Variants in ACOT13 observed in about 807,000 individuals in gnomAD.
The protein encoded by ACOT13 is acyl-CoA thioesterase 13.
Under a neutral mutation model 11.8 loss-of-function variants are expected in ACOT13, and 10 were observed. That is an observed-to-expected ratio of 0.85 (90% CI 0.53 to 1.44). The LOEUF (loss-of-function observed/expected upper bound fraction) is 1.44, where lower values mean the gene tolerates loss of function less well. ACOT13 is among the 40% of genes most tolerant of loss of function. ACOT13 has a pLI of 0.00. For missense variants in ACOT13, 172 were observed against 174.1 expected (o/e 0.99, Z 0.07); for synonymous variants, 53 against 61.0 (o/e 0.87, Z 0.61).
intron 1 of ACOT13, among the ~76,000 whole-genome samples, chr6:24,688,293 C>A (rs185816502): frequency 4.0e-5 from 6 of 151,754 alleles, no homozygotes; most frequent in Non-Finnish European, 7.4e-5. Flanking sequence ...AATCCCAACA[C>A]TTTAGGAGGT....
intron 1 of ACOT13, among the ~76,000 whole-genome samples, chr6:24,670,786 A>G (rs1310112674): frequency 6.6e-6 from 1 of 152,214 alleles, no homozygotes; most frequent in African/African-American, 2.4e-5. Context: ...AAACAAAGCA[A>G]AAGATCAGCA....
Position 24,702,857 on chromosome 6 carries a change from A to T in ACOT13, c.*1242A>T, listed in dbSNP as rs1778915943. 6.6e-6 allele frequency: 1 copy of T among 152,102 alleles called. No homozygotes were observed. Among genetic ancestry groups the T allele is most frequent in the Admixed American group, 6.5e-5 (1 of 15,272 alleles). The allele number at this position is 152,102 out of a possible 1,614,324, so 9.4% of individuals were successfully genotyped here. ...GATCTCAAACCTCCAAGTCTATAGT[A>T]TTGAAAAGACCAAGTTCACTTCTCA... On this transcript the variant is annotated 3_prime_UTR_variant, in exon 3 of 3. Transcript: ENST00000230048.
At position 24,686,044 on chromosome 6, in the gene ACOT13, GA is replaced by G. The variant is rs200874922; in HGVS notation, c.82-11828del. Among the ~76,000 whole-genome samples, 150 of 144,102 alleles carry G rather than the reference GA, an allele frequency of 1.0e-3. 3 individuals are homozygous for G. The highest frequency in any genetic ancestry group is 6.2e-3 in the Admixed American group (90 of 14,508). The allele number at this position is 144,102 out of a possible 152,430, so 94.5% of individuals were successfully genotyped here. A position where few individuals can be genotyped will look rare whatever the true frequency, so the allele number is the denominator to read the frequency against. On this transcript the variant is annotated intron_variant, in intron 1 of 2. Coordinates refer to ENST00000230048, the MANE Select transcript of ACOT13 (RefSeq NM_018473.4). Reference sequence around the variant, plus strand: ...AGACTCAATCTCAATTTAAAAAAAGGAAAAAAAAAAAGGTTAACCGTCAGAC... The same window carrying G: ...AGACTCAATCTCAATTTAAAAAAAGGAAAAAAAAAAGGTTAACCGTCAGAC...
chr6:24,687,450 T>C (rs561805109), intron 1 of ACOT13: 765 of 1,247,430 alleles, frequency 6.1e-4, no homozygotes, highest in Non-Finnish European at 6.4e-4. Context: ...TGACACGCAC[T>C]GTGCTAGGAT....
Position 24,701,811 on chromosome 6 carries a change from A to G in ACOT13, c.*196A>G. The G allele has an allele frequency of 4.1e-6, 2 of 492,504 alleles. No individual in the cohort carries two copies. Among genetic ancestry groups the G allele is most frequent in the Non-Finnish European group, 6.9e-6 (2 of 289,386 alleles). The allele number at this position is 492,504 out of a possible 1,614,324, so 30.5% of individuals were successfully genotyped here. A position where few individuals can be genotyped will look rare whatever the true frequency, so the allele number is the denominator to read the frequency against. On this transcript the variant is annotated 3_prime_UTR_variant, in exon 3 of 3. Transcript: ENST00000230048. The stretch of plus-strand genomic sequence containing the variant: ...ACTTTAAGCATCTTGTTTTCTAATC[A>G]TGTGTGATAATTGGGTGAAAAATTC...
intron 1 of ACOT13, among the ~76,000 whole-genome samples, chr6:24,685,069 A>C (rs552481487): frequency 6.6e-6 from 1 of 152,192 alleles, no homozygotes; most frequent in East Asian, 1.9e-4. Flanking sequence ...TTAATTTTTG[A>C]AATCCAGTGT....
At chr6:24,693,306 C>T (rs1161559605) in intron 1 of ACOT13, among the ~76,000 whole-genome samples, 1 of 152,218 alleles carries the variant, frequency 6.6e-6, no homozygotes, top group African/African-American at 2.4e-5. Flanking sequence ...ATATGTCACA[C>T]TCCTGTGCTT....
rs1778937559 is a variant in ACOT13, at chr6:24,703,750, A to G, written c.*2135A>G. 1 of 152,236 alleles carries G rather than the reference A, an allele frequency of 6.6e-6. No homozygotes were observed. Among genetic ancestry groups the G allele is most frequent in the Admixed American group, 6.5e-5 (1 of 15,280 alleles). 9.4% of individuals were successfully genotyped at this position (152,236 alleles called of 1,614,324 possible). On this transcript the variant is annotated 3_prime_UTR_variant, in exon 3 of 3. Coordinates refer to ENST00000230048, the MANE Select transcript of ACOT13 (RefSeq NM_018473.4). ...ACAGGGTATTTGCACATTGCTTCCC[A>G]GAGATTGCTAGTAGTAAGTACCACA...
chr6:24,681,225 CACAA>C (rs1484289243), intron 1 of ACOT13, among the ~76,000 whole-genome samples: 4 of 152,100 alleles, frequency 2.6e-5, no homozygotes, highest in African/African-American at 9.7e-5. Context: ...GAGGTGTGCT[CACAA>C]GAAGGTTTCC....
At chr6:24,677,995 G>T (rs966208695) in intron 1 of ACOT13, among the ~76,000 whole-genome samples, 15 of 152,148 alleles carry the variant, frequency 9.9e-5, no homozygotes, top group African/African-American at 3.6e-4. Flanking sequence ...AGAGTGCTTG[G>T]GTGGCTTGAT....
intron 2 of ACOT13, 72 bp downstream of exon 2, chr6:24,698,139 T>C: frequency 7.7e-7 from 1 of 1,300,664 alleles, no homozygotes; most frequent in South Asian, 1.8e-5. Context: ...TAAACACATT[T>C]ATATTATTAG....
intron 1 of ACOT13, among the ~76,000 whole-genome samples, chr6:24,681,580 C>A (rs1207537306): frequency 2.0e-4 from 2 of 9,778 alleles, no homozygotes; most frequent in Non-Finnish European, 3.1e-4. Context: ...CTCTCTCCGT[C>A]TCTCTCTCTC....
At chr6:24,667,386 G>A (rs1234834362) in intron 1 of ACOT13, 42 bp downstream of exon 1, 3 of 1,584,386 alleles carry the variant, frequency 1.9e-6, no homozygotes, top group East Asian at 2.2e-5. Context: ...TCTAATGAAG[G>A]AAAAGAAAGC....
chr6:24,699,358 T>C (rs143521178), intron 2 of ACOT13, among the ~76,000 whole-genome samples: 5,036 of 152,044 alleles, frequency 0.033, 106 homozygotes, highest in Non-Finnish European at 0.05. Context: ...TACAGGCGCC[T>C]GCCACCATGC....
intron 1 of ACOT13, among the ~76,000 whole-genome samples, chr6:24,693,472 A>G (rs949171131): frequency 6.6e-6 from 1 of 152,180 alleles, no homozygotes; most frequent in Non-Finnish European, 1.5e-5. Context: ...GCAGAATGCA[A>G]CCCTTTTAAA....
At chr6:24,683,026 T>C (rs545369426) in intron 1 of ACOT13, among the ~76,000 whole-genome samples, 1 of 152,304 alleles carries the variant, frequency 6.6e-6, no homozygotes, top group South Asian at 2.1e-4. Flanking sequence ...TGTTTAAAGG[T>C]GGATGCGGTC....
chr6:24,693,625 AAGTG>A (rs1778749723), intron 1 of ACOT13, among the ~76,000 whole-genome samples: 1 of 152,116 alleles, frequency 6.6e-6, no homozygotes, highest in Non-Finnish European at 1.5e-5. Context: ...TTTGCTGAAA[AAGTG>A]AGGAAAGGAG....
chr6:24,693,258 G>T (rs570940039), intron 1 of ACOT13, among the ~76,000 whole-genome samples: 1 of 152,316 alleles, frequency 6.6e-6, no homozygotes, highest in South Asian at 2.1e-4. Context: ...TCTTTTGGGG[G>T]TGGCTCACGT....
intron 1 of ACOT13, among the ~76,000 whole-genome samples, chr6:24,678,420 G>A (rs1418441807): frequency 6.6e-6 from 1 of 152,102 alleles, no homozygotes; most frequent in African/African-American, 2.4e-5. Flanking sequence ...GTATTGCAGG[G>A]GCTATTGCAT....
Sources: gnomAD v4.1 joint callset for allele counts (sites outside exome capture counted in the v4.1 genomes callset) on GRCh38, gnomAD v4.1.1 for gene constraint, MANE v1.5 for transcripts, NCBI Gene and HGNC (gene_info 2026-07-23, HGNC 2026-07-21) for gene names.